Variants in SLC22A23 observed in about 807,000 individuals in gnomAD.
SLC22A23 encodes solute carrier family 22 member 23.
A neutral mutation model predicts 61.0 loss-of-function variants in SLC22A23; 26 were observed. That is an observed-to-expected ratio of 0.43 (90% CI 0.31 to 0.59). The LOEUF is 0.59. SLC22A23 is among the 20% of genes least tolerant of loss of function. The probability of loss-of-function intolerance (pLI) is 0.11; values close to 1 mark genes in which losing one functional copy is unlikely to be tolerated. For missense variants in SLC22A23, 796 were observed against 934.7 expected, an observed-to-expected ratio of 0.85 and a Z score of 1.94; for synonymous variants, 430 against 413.9, an observed-to-expected ratio of 1.04 and a Z score of -0.47.
At chr6:3,290,147 CAGTCAG>C (rs1415700432) in intron 5 of SLC22A23, 11 of 498,136 alleles carry the variant, frequency 2.2e-5, no homozygotes, top group Non-Finnish European at 4.0e-5. Context: ...GTTTTGGAAC[CAGTCAG>C]AGTGCACACA....
chr6:3,366,332 C>CAAAA (rs11387672), intron 3 of SLC22A23, among the ~76,000 whole-genome samples: 14,680 of 73,682 alleles, frequency 0.2, 2,255 homozygotes, highest in Non-Finnish European at 0.25. Flanking sequence ...GACTCTGTCT[C>CAAAA]AAAAAAAAAA....
At chr6:3,411,571 C>G (rs910132306) in intron 2 of SLC22A23, among the ~76,000 whole-genome samples, 5 of 151,944 alleles carry the variant, frequency 3.3e-5, no homozygotes, top group African/African-American at 1.2e-4. Flanking sequence ...AAAACTCATT[C>G]CATTGTGCAC....
chr6:3,384,195 C>T (rs1767136666), intron 3 of SLC22A23, among the ~76,000 whole-genome samples: 1 of 152,198 alleles, frequency 6.6e-6, no homozygotes, highest in African/African-American at 2.4e-5. Flanking sequence ...ATTCATGCAC[C>T]TGTAGGGCTG....
chr6:3,369,365 G>A (rs1416415871), intron 3 of SLC22A23, among the ~76,000 whole-genome samples: 3 of 152,164 alleles, frequency 2.0e-5, no homozygotes, highest in Admixed American at 2.0e-4. Context: ...ATCCACAAAT[G>A]TTTTCTAAAA....
intron 2 of SLC22A23, among the ~76,000 whole-genome samples, chr6:3,411,472 G>T (rs957096334): frequency 1.3e-5 from 2 of 152,154 alleles, no homozygotes; most frequent in Non-Finnish European, 2.9e-5. Context: ...GTCCAGGACT[G>T]GGGGGTGATG....
chr6:3,321,753 C>T (rs1210341126), intron 4 of SLC22A23, among the ~76,000 whole-genome samples: 1 of 152,134 alleles, frequency 6.6e-6, no homozygotes, highest in Non-Finnish European at 1.5e-5. Context: ...GACCTCTCTT[C>T]TCAGGAGTAT....
At chr6:3,283,748 A>G (rs904316039) in intron 9 of SLC22A23, 104 bp downstream of exon 9, 2 of 1,564,766 alleles carry the variant, frequency 1.3e-6, no homozygotes, top group Middle Eastern at 1.7e-4. Flanking sequence ...GTCCAGAGCC[A>G]GAGACAGAGC....
chr6:3,382,560 T>C (rs564682690), intron 3 of SLC22A23, among the ~76,000 whole-genome samples: 1 of 152,324 alleles, frequency 6.6e-6, no homozygotes, highest in African/African-American at 2.4e-5. Flanking sequence ...AGCAACATTG[T>C]CCTTCCTTCC....
intron 1 of SLC22A23, among the ~76,000 whole-genome samples, chr6:3,441,993 C>T (rs895503844): frequency 2.0e-5 from 3 of 152,170 alleles, no homozygotes; most frequent in African/African-American, 2.4e-5. Context: ...TTCCCAGCCG[C>T]ACATGCACCA....
At chr6:3,444,622 CGGCCTTGGCTAACCA>C (rs1283968574) in intron 1 of SLC22A23, among the ~76,000 whole-genome samples, 3 of 152,252 alleles carry the variant, frequency 2.0e-5, no homozygotes, top group African/African-American at 4.8e-5. Flanking sequence ...CCCACTCTCC[CGGCCTTGGCTAACCA>C]GGCCTTGGCT....
chr6:3,276,093 A>G (rs1408110113), intron 9 of SLC22A23, among the ~76,000 whole-genome samples: 1 of 152,168 alleles, frequency 6.6e-6, no homozygotes, highest in Non-Finnish European at 1.5e-5. Context: ...CTCAGAATGC[A>G]ATGGAAGAAT....
chr6:3,419,904 C>T (rs1462511728), intron 1 of SLC22A23, among the ~76,000 whole-genome samples: 1 of 152,174 alleles, frequency 6.6e-6, no homozygotes, highest in African/African-American at 2.4e-5. Context: ...AAGTCACCAT[C>T]CATCCTCCCT....
intron 5 of SLC22A23, among the ~76,000 whole-genome samples, chr6:3,295,726 C>T (rs576501674): frequency 3.8e-4 from 58 of 152,294 alleles, no homozygotes; most frequent in African/African-American, 1.4e-3. Context: ...ACGCTGCCTT[C>T]CCCCACACTC....
Position 3,455,995 on chromosome 6 carries a change from G to A in SLC22A23, c.565C>T (p.Pro189Ser). The change falls in exon 1 of 10, where the codon CCG (proline) becomes TCG (serine). Residue 189 changes from proline (P) to serine (S), a missense_variant. Pro to Ser is a moderately conservative substitution (Grantham distance 74). Transcript: ENST00000406686. Reference protein sequence around the residue: ...GGDTPPLPSPPDKGDNASNCD... With the variant: ...GGDTPPLPSPSDKGDNASNCD... Reference sequence around the variant, plus strand: ...TTGGAGGCGTTGTCCCCCTTGTCCGGAGGGGATGGCAGGGGTGGTGTGTCG... The same window carrying A: ...TTGGAGGCGTTGTCCCCCTTGTCCGAAGGGGATGGCAGGGGTGGTGTGTCG... 1 of 1,547,488 alleles carries A rather than the reference G, an allele frequency of 6.5e-7. No homozygotes were observed. Among genetic ancestry groups the A allele is most frequent in the Non-Finnish European group, 8.7e-7 (1 of 1,146,760 alleles).
At chr6:3,374,561 G>A (rs927804481) in intron 3 of SLC22A23, among the ~76,000 whole-genome samples, 1 of 152,252 alleles carries the variant, frequency 6.6e-6, no homozygotes, top group South Asian at 2.1e-4. Context: ...GAGAAACTGG[G>A]CGGGCTGAAA....
intron 9 of SLC22A23, among the ~76,000 whole-genome samples, chr6:3,277,179 G>A (rs1252160409): frequency 6.6e-6 from 1 of 152,144 alleles, no homozygotes; most frequent in Non-Finnish European, 1.5e-5. Flanking sequence ...AGAGGTTCAA[G>A]AACTGGGAGG....
rs1449444765 is a variant in SLC22A23, at chr6:3,342,601, G to GA, written c.914-18600dup. Among the ~76,000 whole-genome samples, 1 of 152,178 alleles carries GA rather than the reference G, an allele frequency of 6.6e-6. No individual in the cohort carries two copies. The highest frequency in any genetic ancestry group is 1.5e-5 in the Non-Finnish European group (1 of 68,036). ...CAGATGCTTTCCAGATGGAGCCCAGGAAGCCAGTAGATGGGGGGTCCAGGA... is the reference window on the plus strand; with the variant it reads ...CAGATGCTTTCCAGATGGAGCCCAGGAAAGCCAGTAGATGGGGGGTCCAGGA... On this transcript the variant is annotated intron_variant, in intron 3 of 9. Coordinates refer to ENST00000406686, the MANE Select transcript of SLC22A23 (RefSeq NM_015482.2). The surrounding 1 kb of genome is among the most constrained non-coding windows in gnomAD (Gnocchi z 4.0).
rs1458052575 is a variant in SLC22A23, at chr6:3,339,284, C to T, written c.914-15282G>A. On this transcript the variant is annotated intron_variant, in intron 3 of 9. Transcript: ENST00000406686. ...CAGGCACACAGGCCTTAGATGAAGA[C>T]AGATGGTGATCTGTCTTCAAAGACT... Among the ~76,000 whole-genome samples, 4 of 152,194 alleles carry T rather than the reference C, an allele frequency of 2.6e-5. No homozygotes were observed. The East Asian group carries it at 5.8e-4, about 22-fold the overall frequency.
chr6:3,274,394 A>G (rs6902550), intron 9 of SLC22A23, among the ~76,000 whole-genome samples: 37,457 of 152,176 alleles, frequency 0.25, 8,906 homozygotes, highest in African/African-American at 0.63. Flanking sequence ...CTCAAGGAAG[A>G]GGGAGTGGAG....
Sources: allele counts gnomAD v4.1 joint callset (sites outside exome capture counted in the v4.1 genomes callset), GRCh38; gene constraint gnomAD v4.1.1; non-coding constraint Gnocchi (gnomAD v3.1); transcripts MANE v1.5; gene names NCBI Gene and HGNC (gene_info 2026-07-23, HGNC 2026-07-21).